TUBA3C: variants seen among roughly 807,000 people sequenced by gnomAD.
TUBA3C encodes tubulin alpha 3c.
Under a neutral mutation model 33.4 loss-of-function variants are expected in TUBA3C, and 23 were observed. That is an observed-to-expected ratio of 0.69 (90% CI 0.50 to 0.98). The LOEUF is 0.98. TUBA3C is among the 50% of genes least tolerant of loss of function. The probability of loss-of-function intolerance (pLI) is 0.00; values close to 1 mark genes in which losing one functional copy is unlikely to be tolerated. For missense variants in TUBA3C, 402 were observed against 616.0 expected (o/e 0.65, Z 3.68); for synonymous variants, 269 against 250.4 (o/e 1.07, Z -0.70).
chr13:19,174,573 T>C (rs986624234), intron 4 of TUBA3C, among the ~76,000 whole-genome samples: 1 of 152,132 alleles, frequency 6.6e-6, no homozygotes, highest in African/African-American at 2.4e-5. Flanking sequence ...GTGGTGTATA[T>C]ATTTTATTTT....
chr13:19,174,331 CAT>C (rs999176392), intron 4 of TUBA3C, among the ~76,000 whole-genome samples, 172 bp from the exon 5 acceptor site: 3 of 152,100 alleles, frequency 2.0e-5, no homozygotes, highest in African/African-American at 7.2e-5. Context: ...TTCCAGACAA[CAT>C]ATGTTGCCCA....
chr13:19,179,304 T>C (rs1180434133), intron 2 of TUBA3C, 37 bp downstream of exon 2: 2 of 1,612,260 alleles, frequency 1.2e-6, no homozygotes, highest in African/African-American at 1.3e-5. Flanking sequence ...TCTCCCACCC[T>C]CCTAAGAAAG....
rs142990382 is a variant in TUBA3C at position 19,180,293 on chromosome 13, T to C, written c.4-730A>G. Among the ~76,000 whole-genome samples, 847 of 152,154 alleles carry C rather than the reference T, an allele frequency of 5.6e-3. 5 individuals carry two copies. The highest frequency in any genetic ancestry group is 6.8e-3 in the Middle Eastern group (2 of 294). On this transcript the variant is annotated intron_variant, in intron 1 of 4. Coordinates refer to ENST00000400113, the MANE Select transcript of TUBA3C (RefSeq NM_006001.3). Reference sequence around the variant, plus strand: ...TTCATAAAGTTACCCTCTCAATTTTTCGTAAGCACTCCCTCCCCTCTACCC... The same window carrying C: ...TTCATAAAGTTACCCTCTCAATTTTCCGTAAGCACTCCCTCCCCTCTACCC...
rs201563264 is a variant in TUBA3C, at chr13:19,178,254, G to T, written c.367C>A (p.Arg123Ser). 1.2e-6 allele frequency: 2 copies of T among 1,614,026 alleles called. No homozygotes were observed. Among genetic ancestry groups the T allele is most frequent in the Admixed American group, 1.7e-5 (1 of 60,002 alleles). The change falls in exon 3 of 5, where the codon CGC becomes AGC. Residue 123 changes from arginine to serine, a missense_variant. Arg to Ser is a moderately radical substitution (Grantham distance 110). Coordinates refer to ENST00000400113, the MANE Select transcript of TUBA3C (RefSeq NM_006001.3). ...EIVDLVLDRI[R>S]KLADLCTGLQ... ...AAGCCTTCTCTTCTTACCAGTTTGCGGATCCGGTCCAGGACCAGGTCGACG... is the reference window on the plus strand; with the variant it reads ...AAGCCTTCTCTTCTTACCAGTTTGCTGATCCGGTCCAGGACCAGGTCGACG...
intron 1 of TUBA3C, among the ~76,000 whole-genome samples, chr13:19,180,730 T>C (rs538354629): frequency 5.9e-5 from 9 of 151,970 alleles, no homozygotes; most frequent in East Asian, 5.9e-4. Context: ...CTCCTGACCT[T>C]TTGATATGCC....
At position 19,181,810 on chromosome 13, in the gene TUBA3C, C is replaced by T. The variant is rs186309155; in HGVS notation, c.-63G>A. 172 of 1,591,932 alleles carry T rather than the reference C, an allele frequency of 1.1e-4. No homozygotes were observed. The highest frequency in any genetic ancestry group is 1.3e-4 in the Non-Finnish European group (149 of 1,173,944). On this transcript the variant is annotated 5_prime_UTR_variant, in exon 1 of 5. Coordinates refer to ENST00000400113, the MANE Select transcript of TUBA3C (RefSeq NM_006001.3). Reference sequence around the variant, plus strand: ...TTGACCTCAACCGCCGCTGCAGCTGCGCACGCCCAACGACAGCCTCCCGCC... The same window carrying T: ...TTGACCTCAACCGCCGCTGCAGCTGTGCACGCCCAACGACAGCCTCCCGCC...
chr13:19,179,694 A>T (rs1869334845), intron 1 of TUBA3C, 131 bp from the exon 2 acceptor site: 1 of 1,312,320 alleles, frequency 7.6e-7, no homozygotes, highest in African/African-American at 1.5e-5. Context: ...GATATTTCCT[A>T]GGAGGGTTAG....
rs960675925 is a variant in TUBA3C, at chr13:19,179,285, C to T, written c.226+56G>A. ...CAAAGGAGCCCACATGGGGCCTTAC[C>T]GACGATGCTCTCCCACCCTCCTAAG... On this transcript the variant is annotated intron_variant, in intron 2 of 4. Transcript: ENST00000400113. 3.6e-5 allele frequency: 57 copies of T among 1,604,140 alleles called. No homozygotes were observed. In the South Asian group the frequency reaches 4.0e-4, roughly 11 times the overall value.
At position 19,179,450 on chromosome 13, in the gene TUBA3C, A is replaced by G; in HGVS notation, c.117T>C (p.Asp39=). 1.2e-6 allele frequency: 2 copies of G among 1,614,068 alleles called. No individual in the cohort carries two copies. Among genetic ancestry groups the G allele is most frequent in the Non-Finnish European group, 1.7e-6 (2 of 1,179,970 alleles). The change falls in exon 2 of 5, where the codon GAT becomes GAC. Residue 39 remains aspartate (D), a synonymous_variant. Coordinates refer to ENST00000400113, the MANE Select transcript of TUBA3C (RefSeq NM_006001.3). ...GIQPDGQMPS[D]KTIGGGDDSF... ...AGTCGTCCCCACCACCAATGGTTTT[A>G]TCACTTGGCATCTGACCATCGGGCT...
In TUBA3C at chr13:19,173,793, A is replaced by T. The variant is rs1869081971; in HGVS notation, c.*70T>A. ...GGTCTTGGTTTTATACAGAACCTTTAATTGCAAAGAACTTGAAAGCAGCCA... is the reference window on the plus strand; with the variant it reads ...GGTCTTGGTTTTATACAGAACCTTTTATTGCAAAGAACTTGAAAGCAGCCA... On this transcript the variant is annotated 3_prime_UTR_variant, in exon 5 of 5. Transcript: ENST00000400113. 4 of 1,555,696 alleles carry T rather than the reference A, an allele frequency of 2.6e-6. No individual in the cohort carries two copies. The highest frequency in any genetic ancestry group is 1.9e-5 in the Admixed American group (1 of 53,476).
In TUBA3C at chr13:19,173,924, T is replaced by G. The variant is rs975542733; in HGVS notation, c.1292A>C (p.Asp431Ala). 22 of 1,613,860 alleles carry G rather than the reference T, an allele frequency of 1.4e-5. No individual in the cohort carries two copies. The highest frequency in any genetic ancestry group is 1.8e-5 in the Non-Finnish European group (21 of 1,179,926). The change falls in exon 5 of 5, where the codon GAT becomes GCT. Residue 431 changes from aspartate (D) to alanine (A), a missense_variant. Coordinates refer to ENST00000400113, the MANE Select transcript of TUBA3C (RefSeq NM_006001.3). The stretch of plus-strand genomic sequence containing the variant: ...GGAATCCACGCCCACCTCTTCATAA[T>G]CCTTCTCCAGAGCTGCCAGGTCCTC... ...AREDLAALEKDYEEVGVDSVE... is the reference protein window; with the variant it reads ...AREDLAALEKAYEEVGVDSVE...
chr13:19,174,047 C>G lies in TUBA3C; in HGVS notation c.1169G>C (p.Arg390Pro), dbSNP rs768296332. ...CATGAGATCGAACTTATGGTCCAGG[C>G]GAGCCCAGGCCTCCGCGATGGCCGT... ...NTTAIAEAWARLDHKFDLMYA... is the reference protein window; with the variant it reads ...NTTAIAEAWAPLDHKFDLMYA... The change falls in exon 5 of 5, where the codon CGC becomes CCC. Residue 390 changes from arginine (R) to proline (P), a missense_variant. Transcript: ENST00000400113. 3.1e-6 allele frequency: 5 copies of G among 1,613,706 alleles called. No homozygotes were observed. Among genetic ancestry groups the G allele is most frequent in the Non-Finnish European group, 4.2e-6 (5 of 1,179,978 alleles).
At chr13:19,174,263 TTC>T (rs1169698544) in intron 4 of TUBA3C, 104 bp from the exon 5 acceptor site, 2 of 1,441,266 alleles carry the variant, frequency 1.4e-6, no homozygotes, top group Admixed American at 2.6e-5. Context: ...AACAGGAGAA[TTC>T]TCAGTTCACC....
chr13:19,177,687 G>A lies in TUBA3C; in HGVS notation c.376-80C>T. On this transcript the variant is annotated intron_variant, in intron 3 of 4. Transcript: ENST00000400113. The surrounding 1 kb of genome is among the most constrained non-coding windows in gnomAD (Gnocchi z 5.0). ...TCCACCAAGCCAGGGCCACTTCTCT[G>A]CCTCTGAAGACTTGATATGGATTCC... is the stretch of plus-strand genomic sequence containing the variant. 9 of 1,492,442 alleles carry A rather than the reference G, an allele frequency of 6.0e-6. No homozygotes were observed. The highest frequency in any genetic ancestry group is 7.2e-6 in the Non-Finnish European group (8 of 1,115,726). The allele number at this position is 1,492,442 out of a possible 1,614,324, so 92.4% of individuals were successfully genotyped here. A position where few individuals can be genotyped will look rare whatever the true frequency, so the allele number is the denominator to read the frequency against.
intron 2 of TUBA3C, 70 bp downstream of exon 2, chr13:19,179,271 A>T: frequency 6.3e-7 from 1 of 1,593,472 alleles, no homozygotes; most frequent in Non-Finnish European, 8.6e-7. Flanking sequence ...AAAGGAGCCC[A>T]CATGGGGCCT....
intron 1 of TUBA3C, among the ~76,000 whole-genome samples, chr13:19,180,784 A>G (rs57993618): frequency 2.2e-4 from 33 of 151,700 alleles, no homozygotes; most frequent in Middle Eastern, 3.2e-3. Flanking sequence ...CGTGAGCCAC[A>G]GCGCCCGGCC....
At chr13:19,178,010 C>T (rs112335096) in intron 3 of TUBA3C, among the ~76,000 whole-genome samples, 29 of 152,264 alleles carry the variant, frequency 1.9e-4, no homozygotes, top group African/African-American at 6.7e-4. Context: ...CCACGCCTGA[C>T]TAATGTGTGT....
rs1399618895 is a variant in TUBA3C at position 19,177,651 on chromosome 13, C to A, written c.376-44G>T. The A allele has an allele frequency of 6.5e-7, 1 of 1,528,306 alleles. No individual in the cohort carries two copies. The highest frequency in any genetic ancestry group is 1.3e-5 in the South Asian group (1 of 75,570). 94.7% of individuals were successfully genotyped at this position (1,528,306 alleles called of 1,614,324 possible). ...CATGAATCAATGCCCGTGGAAGCCA[C>A]ACCACCAACCTCCACCAAGCCAGGG... On this transcript the variant is annotated intron_variant, in intron 3 of 4. Transcript: ENST00000400113. The surrounding 1 kb of genome is among the most constrained non-coding windows in gnomAD (Gnocchi z 5.0).
chr13:19,175,795 G>A (rs9511908), intron 4 of TUBA3C, among the ~76,000 whole-genome samples: 6,314 of 152,256 alleles, frequency 0.041, 160 homozygotes, highest in Middle Eastern at 0.068. Flanking sequence ...CCAGGCTGGA[G>A]TGCAGTGGAG....
Sources: gnomAD v4.1 joint callset for allele counts (sites outside exome capture counted in the v4.1 genomes callset) on GRCh38, gnomAD v4.1.1 for gene constraint, Gnocchi (gnomAD v3.1) non-coding constraint, MANE v1.5 for transcripts, NCBI Gene and HGNC (gene_info 2026-07-23, HGNC 2026-07-21) for gene names.